Variants in PLA2G6 observed in about 807,000 individuals in gnomAD.
PLA2G6 encodes the protein phospholipase A2 group VI.
Under a neutral mutation model 83.8 loss-of-function variants are expected in PLA2G6, and 62 were observed. That is an observed-to-expected ratio of 0.74 (90% CI 0.60 to 0.91). The LOEUF (loss-of-function observed/expected upper bound fraction) is 0.91. Among genes scored for constraint, PLA2G6 ranks in the 40% least tolerant of loss-of-function variants. The probability of loss-of-function intolerance (pLI) is 0.00; values close to 1 mark genes in which losing one functional copy is unlikely to be tolerated. For synonymous variants in PLA2G6, 417 were observed against 449.8 expected (o/e 0.93, Z 0.92); for missense variants, 944 against 1,102.0 (o/e 0.86, Z 2.03).
chr22:38,129,315 A>G, intron 8 of PLA2G6, 139 bp downstream of exon 8: 1 of 706,018 alleles, frequency 1.4e-6, no homozygotes, highest in Non-Finnish European at 2.6e-6. Flanking sequence ...CTCTCTGAGT[A>G]CGAGGTGCTC....
chr22:38,165,887 GAAAATA>G (rs1403415437), intron 2 of PLA2G6, among the ~76,000 whole-genome samples: 2 of 151,974 alleles, frequency 1.3e-5, no homozygotes, highest in African/African-American at 4.8e-5. Context: ...CTCAAAAAAT[GAAAATA>G]AAAATAAAAA....
At chr22:38,156,512 G>A (rs758293719) in intron 2 of PLA2G6, among the ~76,000 whole-genome samples, 4 of 151,786 alleles carry the variant, frequency 2.6e-5, no homozygotes, top group Admixed American at 6.6e-5. Flanking sequence ...GGAGTGCAGC[G>A]GCGCGATCTC....
chr22:38,124,814 C>T (rs1169130335), intron 10 of PLA2G6, among the ~76,000 whole-genome samples: 1 of 152,136 alleles, frequency 6.6e-6, no homozygotes, highest in East Asian at 1.9e-4. Context: ...GGACCAGGTA[C>T]CCAGCCCCAC....
At position 38,113,537 on chromosome 22, in the gene PLA2G6, C is replaced by T. The variant is rs371872005; in HGVS notation, c.2152G>A (p.Ala718Thr). 8.1e-6 allele frequency: 13 copies of T among 1,613,940 alleles called. No homozygotes were observed. The African/African-American group carries it at 1.6e-4, about 20-fold the overall frequency. ...TCCTTGGCCCCAAAAACAGTCTTGG[C>T]CAGCTCCCAGGGGTTGCTGGGACGG... Reference protein sequence around the residue: ...VFRPSNPWELAKTVFGAKELG... With the variant: ...VFRPSNPWELTKTVFGAKELG... Residue 718 changes from alanine to threonine, a missense_variant, in exon 15 of 17, where the codon GCC becomes ACC. Ala to Thr is a moderately conservative substitution (Grantham distance 58). Coordinates refer to ENST00000332509, the MANE Select transcript of PLA2G6 (RefSeq NM_003560.4).
intron 2 of PLA2G6, among the ~76,000 whole-genome samples, chr22:38,159,592 T>C (rs2089926559): frequency 1.3e-5 from 2 of 152,098 alleles, no homozygotes; most frequent in African/African-American, 2.4e-5. Context: ...TAGCCAGGTA[T>C]GGTGGTGCGT....
chr22:38,175,094 G>A (rs546365746), intron 1 of PLA2G6, among the ~76,000 whole-genome samples: 25 of 152,212 alleles, frequency 1.6e-4, no homozygotes, highest in South Asian at 8.3e-4. Flanking sequence ...GCTACCTGCC[G>A]CAGCTGCCAG....
chr22:38,117,745 A>G (rs2087289895), intron 12 of PLA2G6, among the ~76,000 whole-genome samples: 1 of 152,118 alleles, frequency 6.6e-6, no homozygotes, highest in Non-Finnish European at 1.5e-5. Flanking sequence ...CAAGTGAAAT[A>G]AGCCAGTCAT....
rs193258960 is a variant in PLA2G6, at chr22:38,170,090, C to T, written c.-45-619G>A. ...GCAGGCGCCTGTAGTCCCAGCTGCCCGGGAAGCTGAGGCAGGAGAATCACT... is the reference window on the plus strand; with the variant it reads ...GCAGGCGCCTGTAGTCCCAGCTGCCTGGGAAGCTGAGGCAGGAGAATCACT... On this transcript the variant is annotated intron_variant, in intron 1 of 16. Coordinates refer to ENST00000332509, the MANE Select transcript of PLA2G6 (RefSeq NM_003560.4). Among the ~76,000 whole-genome samples the T allele has an allele frequency of 1.5e-3, 234 of 151,116 alleles. 3 individuals are homozygous for T. Among genetic ancestry groups the T allele is most frequent in the African/African-American group, 5.1e-3 (211 of 41,146 alleles).
chr22:38,133,339 A>T lies in PLA2G6; in HGVS notation c.895-326T>A. ...TGTCCTGAAGCACCCCGCTCCCTGC[A>T]TCCCTCCCTGGAACCCTGCAAAGGT... On this transcript the variant is annotated intron_variant, in intron 6 of 16. Transcript: ENST00000332509. 7.1e-6 allele frequency: 3 copies of T among 424,532 alleles called. No homozygotes were observed. In the South Asian group the frequency reaches 8.1e-5, roughly 12 times the overall value. 26.3% of individuals were successfully genotyped at this position (424,532 alleles called of 1,614,324 possible).
Position 38,145,605 on chromosome 22 carries a change from C to A in PLA2G6, c.258G>T (p.Gln86His). Reference sequence around the variant, plus strand: ...AGAAGGGTAGCAGCTGGGAAGAATACTGATGGAAATTCACTAGGGCGTCAG... The same window carrying A: ...AGAAGGGTAGCAGCTGGGAAGAATAATGATGGAAATTCACTAGGGCGTCAG... ...LEADALVNFH[Q>H]YSSQLLPFYE... is the part of the protein sequence containing the mutation. Residue 86 changes from glutamine to histidine, a missense_variant, in exon 3 of 17, where the codon CAG (glutamine) becomes CAT (histidine). Transcript: ENST00000332509. The A allele has an allele frequency of 6.2e-7, 1 of 1,613,792 alleles. No individual in the cohort carries two copies. Among genetic ancestry groups the A allele is most frequent in the South Asian group, 1.1e-5 (1 of 90,982 alleles).
intron 15 of PLA2G6, 180 bp from the exon 16 acceptor site, chr22:38,112,757 T>C: frequency 1.5e-6 from 1 of 648,442 alleles, no homozygotes; most frequent in South Asian, 1.7e-5. Context: ...CTGCAGGGAC[T>C]GTCCCAGCTG....
chr22:38,167,276 C>G (rs1029135422), intron 2 of PLA2G6, among the ~76,000 whole-genome samples: 3 of 151,536 alleles, frequency 2.0e-5, no homozygotes, highest in Non-Finnish European at 4.4e-5. Context: ...TATAAAGTAC[C>G]ACAGAATAGC....
chr22:38,166,994 C>G (rs558238529), intron 2 of PLA2G6, among the ~76,000 whole-genome samples: 1 of 151,934 alleles, frequency 6.6e-6, no homozygotes, highest in East Asian at 1.9e-4. Context: ...TTTGGGAGGC[C>G]GAGGCAGGCG....
chr22:38,111,970 G>T lies in PLA2G6; in HGVS notation c.*191C>A. On this transcript the variant is annotated 3_prime_UTR_variant, in exon 17 of 17. Coordinates refer to ENST00000332509, the MANE Select transcript of PLA2G6 (RefSeq NM_003560.4). ...CCAGCCTGGAATGACAGAAAGTGCT[G>T]GAAGGCGGGGTTAGTGGGAGACAGG... 6 of 645,708 alleles carry T rather than the reference G, an allele frequency of 9.3e-6. No homozygotes were observed. Among genetic ancestry groups the T allele is most frequent in the Middle Eastern group, 4.2e-4 (1 of 2,398 alleles). The allele number at this position is 645,708 out of a possible 1,614,324, so 40.0% of individuals were successfully genotyped here.
intron 4 of PLA2G6, chr22:38,140,565 G>A (rs1386614876): frequency 3.8e-6 from 1 of 265,322 alleles, no homozygotes; most frequent in Non-Finnish European, 7.5e-6. Flanking sequence ...GTGGATGGGA[G>A]GGAAGGGGTC....
chr22:38,133,069 C>T (rs553071131), intron 6 of PLA2G6, 56 bp from the exon 7 acceptor site: 2 of 1,498,390 alleles, frequency 1.3e-6, no homozygotes. Flanking sequence ...TGCCGCACCC[C>T]GGGACACGTG....
chr22:38,115,268 C>T (rs901354215), intron 14 of PLA2G6, among the ~76,000 whole-genome samples: 10 of 152,202 alleles, frequency 6.6e-5, no homozygotes, highest in Non-Finnish European at 1.0e-4. Flanking sequence ...GTGGCACGTT[C>T]ATGGTATGCA....
intron 2 of PLA2G6, among the ~76,000 whole-genome samples, chr22:38,163,081 G>A (rs901469196): frequency 2.0e-5 from 3 of 152,250 alleles, no homozygotes; most frequent in African/African-American, 7.2e-5. Context: ...GGCTGTGTGA[G>A]CCTGTTCTCA....
chr22:38,145,640 C>G lies in PLA2G6; in HGVS notation c.223G>C (p.Glu75Gln), dbSNP rs767832619. ...TTCACTAGGGCGTCAGCCTCCAACT[C>G]CAGCTGGAAGAGTCTGTAGAGCCAG... ...SQSGFRLFQL[E>Q]LEADALVNFH... The change falls in exon 3 of 17, where the codon GAG becomes CAG. Residue 75 changes from glutamate to glutamine, a missense_variant. Coordinates refer to ENST00000332509, the MANE Select transcript of PLA2G6 (RefSeq NM_003560.4). 6.8e-6 allele frequency: 11 copies of G among 1,611,668 alleles called. No individual in the cohort carries two copies. The highest frequency in any genetic ancestry group is 7.6e-6 in the Non-Finnish European group (9 of 1,178,788).
Sources: allele counts gnomAD v4.1 joint callset (sites outside exome capture counted in the v4.1 genomes callset), GRCh38; gene constraint gnomAD v4.1.1; transcripts MANE v1.5; gene names NCBI Gene and HGNC (gene_info 2026-07-23, HGNC 2026-07-21).